MYO15A: variants seen among roughly 807,000 people sequenced by gnomAD.
MYO15A encodes the protein unconventional myosin-XV.
MYO15A carries 308 observed loss-of-function variants against 394.6 expected under a neutral mutation model. The ratio of observed to expected loss-of-function variants is 0.78; its 90% CI spans 0.71 to 0.86. MYO15A has a LOEUF of 0.86. Ranked by LOEUF, MYO15A falls within the 40% of genes least tolerant of loss-of-function variation. MYO15A has a pLI of 0.00. For missense variants in MYO15A, 4,606 were observed against 4,799.1 expected, an observed-to-expected ratio of 0.96 and a Z score of 1.19; for synonymous variants, 1,957 against 2,003.8, an observed-to-expected ratio of 0.98 and a Z score of 0.62.
Position 18,132,442 on chromosome 17 carries a change from C to G in MYO15A, c.4207-11C>G. On this transcript the variant is annotated splice_polypyrimidine_tract_variant and intron_variant, in intron 10 of 65. Transcript: ENST00000647165. The surrounding 1 kb of genome is among the most constrained non-coding windows in gnomAD (Gnocchi z 4.6). ...GGCTCCCTTCTCTGTGCCCACCTAC[C>G]CACTCTACAGGCCAAAAACGAGAGG... 1 of 1,612,806 alleles carries G rather than the reference C, an allele frequency of 6.2e-7. No individual in the cohort carries two copies. The highest frequency in any genetic ancestry group is 8.5e-7 in the Non-Finnish European group (1 of 1,179,192).
intron 54 of MYO15A, 114 bp downstream of exon 54, chr17:18,159,461 C>A: frequency 6.7e-7 from 1 of 1,484,744 alleles, no homozygotes; most frequent in Non-Finnish European, 9.4e-7. Flanking sequence ...CCCGCCAGCT[C>A]AGACATGGAA....
Position 18,136,463 on chromosome 17 carries a change from C to T in MYO15A, c.4643C>T (p.Ala1548Val), listed in dbSNP as rs1377865861. ...KIFTPLTVESAVDARDAIAKV... is the reference protein window; with the variant it reads ...KIFTPLTVESVVDARDAIAKV... ...TTCACGCCCCTAACTGTGGAGAGCG[C>T]TGTGGATGCCAGGTGAGGCCACGCC... The change falls in exon 14 of 66, where the codon GCT becomes GTT. Residue 1548 changes from alanine to valine, a missense_variant. By Grantham distance (64) the Ala-to-Val change is moderately conservative (BLOSUM62 0). Coordinates refer to ENST00000647165, the MANE Select transcript of MYO15A (RefSeq NM_016239.4). 8 of 1,613,718 alleles carry T rather than the reference C, an allele frequency of 5.0e-6. No homozygotes were observed. Among genetic ancestry groups the T allele is most frequent in the Non-Finnish European group, 5.9e-6 (7 of 1,180,036 alleles).
chr17:18,137,987 C>A, intron 16 of MYO15A, 128 bp from the exon 17 acceptor site: 3 of 1,301,396 alleles, frequency 2.3e-6, no homozygotes, highest in Non-Finnish European at 3.1e-6. Context: ...GGGGTGAGCT[C>A]CCTGTTCTGG....
rs1567615991 is a variant in MYO15A at position 18,117,125 on chromosome 17, C to T, written c.-219-1457C>T. Among the ~76,000 whole-genome samples, 1 of 152,190 alleles carries T rather than the reference C, an allele frequency of 6.6e-6. No homozygotes were observed. The highest frequency in any genetic ancestry group is 1.5e-5 in the Non-Finnish European group (1 of 68,026). ...TCTCTGGTTTCCATCAAGCCCCACTCCCCATCCCTGTGAGACTGCCTGCAC... is the reference window on the plus strand; with the variant it reads ...TCTCTGGTTTCCATCAAGCCCCACTTCCCATCCCTGTGAGACTGCCTGCAC... On this transcript the variant is annotated intron_variant, in intron 1 of 65. Coordinates refer to ENST00000647165, the MANE Select transcript of MYO15A (RefSeq NM_016239.4). The surrounding 1 kb of genome is among the most constrained non-coding windows in gnomAD (Gnocchi z 4.1).
chr17:18,143,539 C>G (rs1283635329), intron 25 of MYO15A, 27 bp from the exon 26 acceptor site: 1 of 1,551,084 alleles, frequency 6.4e-7, no homozygotes, highest in Non-Finnish European at 8.7e-7. Flanking sequence ...CCTGCCACTC[C>G]CCAACCTGAC....
chr17:18,125,326 T>G, intron 4 of MYO15A, 95 bp downstream of exon 4: 2 of 1,216,880 alleles, frequency 1.6e-6, no homozygotes, highest in Non-Finnish European at 2.4e-6. Context: ...TTGTGGGCCC[T>G]AGCCCCTGTG....
At position 18,149,525 on chromosome 17, in the gene MYO15A, G is replaced by C; in HGVS notation, c.7157G>C (p.Gly2386Ala). The change falls in exon 35 of 66, where the codon GGG becomes GCG. Residue 2386 changes from glycine to alanine, a missense_variant. Gly to Ala is a moderately conservative substitution (Grantham distance 60). Coordinates refer to ENST00000647165, the MANE Select transcript of MYO15A (RefSeq NM_016239.4). ...GGAGAGCCTGCTGTGCCCCACAAGG[G>C]GCTGGACTGCTACCTGGATAGCCTC... is the stretch of plus-strand genomic sequence containing the variant. Reference protein sequence around the residue: ...SLGEPAVPHKGLDCYLDSLFD... With the variant: ...SLGEPAVPHKALDCYLDSLFD... The C allele has an allele frequency of 1.2e-6, 2 of 1,614,164 alleles. No individual in the cohort carries two copies. The highest frequency in any genetic ancestry group is 1.7e-6 in the Non-Finnish European group (2 of 1,180,026).
chr17:18,139,352 G>A, intron 18 of MYO15A, 182 bp from the exon 19 acceptor site: 2 of 701,166 alleles, frequency 2.9e-6, no homozygotes, highest in Admixed American at 2.1e-5. Flanking sequence ...CTTCACTGAG[G>A]GTGAGGCCAA....
At chr17:18,160,290 G>T (rs756017014) in intron 56 of MYO15A, among the ~76,000 whole-genome samples, 6 of 152,206 alleles carry the variant, frequency 3.9e-5, no homozygotes, top group African/African-American at 7.2e-5. Context: ...AACTCAATCT[G>T]GTTTAGCCAA....
rs1308087837 is a variant in MYO15A, at chr17:18,151,198, T to C, written c.7562T>C (p.Leu2521Ser). 6.2e-7 allele frequency: 1 copy of C among 1,614,112 alleles called. No homozygotes were observed. Among genetic ancestry groups the C allele is most frequent in the African/African-American group, 1.3e-5 (1 of 75,034 alleles). Reference sequence around the variant, plus strand: ...CTCCTGCGTGCCACTCCAAAGCCCTTGGCCCCAGCCCCTCTGGCCAAGGCT... The same window carrying C: ...CTCCTGCGTGCCACTCCAAAGCCCTCGGCCCCAGCCCCTCTGGCCAAGGCT... ...PVLLRATPKP[L>S]APAPLAKAPR... Residue 2521 changes from leucine to serine, a missense_variant, in exon 39 of 66, where the codon TTG becomes TCG. Leu to Ser is a moderately radical substitution (Grantham distance 145, BLOSUM62 -2). Coordinates refer to ENST00000647165, the MANE Select transcript of MYO15A (RefSeq NM_016239.4).
chr17:18,119,917 G>C lies in MYO15A; in HGVS notation c.1117G>C (p.Gly373Arg), dbSNP rs746140187. The change falls in exon 2 of 66, where the codon GGA (glycine) becomes CGA (arginine). Residue 373 changes from glycine (G) to arginine (R), a missense_variant. This residue lies in a region of MYO15A where 1,830 missense variants were observed against 1,689.7 expected (regional missense o/e 1.08). Transcript: ENST00000647165. ...PYDVPYFDPY[G>R]VHYTVPYAEG... ...CGATGTACCCTACTTTGATCCCTAC[G>C]GAGTCCACTACACCGTCCCCTATGC... is the stretch of plus-strand genomic sequence containing the variant. 1.1e-5 allele frequency: 18 copies of C among 1,613,348 alleles called. No individual in the cohort carries two copies. Among genetic ancestry groups the C allele is most frequent in the Middle Eastern group, 1.6e-4 (1 of 6,084 alleles).
rs775177135 is a variant in MYO15A at position 18,138,163 on chromosome 17, G to A, written c.4924G>A (p.Asp1642Asn). The A allele has an allele frequency of 1.9e-6, 3 of 1,613,638 alleles. No homozygotes were observed. In the South Asian group the frequency reaches 3.3e-5, roughly 18 times the overall value. ...QIDWQEITFA[D>N]NQPCINLISL... ...AGACTGGCAGGAGATCACCTTTGCT[G>A]ACAACCAGCCCTGCATCAACCTCAT... is the stretch of plus-strand genomic sequence containing the variant. Residue 1642 changes from aspartate to asparagine, a missense_variant, in exon 17 of 66, where the codon GAC (aspartate) becomes AAC (asparagine). This residue lies in a region of MYO15A where 2,776 missense variants were observed against 3,109.3 expected (regional missense o/e 0.89). Transcript: ENST00000647165.
At chr17:18,133,147 G>A in intron 11 of MYO15A, 78 bp from the exon 12 acceptor site, 2 of 1,487,568 alleles carry the variant, frequency 1.3e-6, no homozygotes, top group Non-Finnish European at 9.2e-7. Context: ...CCACACTACT[G>A]GTCAGGGCAG....
intron 62 of MYO15A, 134 bp from the exon 63 acceptor site, chr17:18,171,504 C>G (rs966241133): frequency 1.5e-6 from 2 of 1,374,328 alleles, no homozygotes; most frequent in African/African-American, 2.9e-5. Flanking sequence ...ACTTTCAGCC[C>G]ATTTACACTC....
chr17:18,120,904 C>G lies in MYO15A; in HGVS notation c.2104C>G (p.Pro702Ala), dbSNP rs1265560854. ...CTACGGCTCCCTCCGCCGCCACCCG[C>G]CGCCCTGGGCCGCCCCAGCGCACGT... Reference protein sequence around the residue: ...SPYGSLRRHPPPWAAPAHVPP... With the variant: ...SPYGSLRRHPAPWAAPAHVPP... The change falls in exon 2 of 66, where the codon CCG (proline) becomes GCG (alanine). Residue 702 changes from proline to alanine, a missense_variant. Coordinates refer to ENST00000647165, the MANE Select transcript of MYO15A (RefSeq NM_016239.4). 6 of 1,409,852 alleles carry G rather than the reference C, an allele frequency of 4.3e-6. No homozygotes were observed. The African/African-American group carries it at 9.1e-5, about 21-fold the overall frequency. 87.3% of individuals were successfully genotyped at this position (1,409,852 alleles called of 1,614,324 possible). A position where few individuals can be genotyped will look rare whatever the true frequency, so the allele number is the denominator to read the frequency against.
rs79115589 is a variant in MYO15A, at chr17:18,174,671, C to T, written c.10491+750C>T. ...ACTCCTGTCCAAGTCTCACACCCCC[C>T]TGGGGTCAGGGCAGGACTAGCGTTT... On this transcript the variant is annotated intron_variant, in intron 65 of 65. Transcript: ENST00000647165. 5.1e-3 allele frequency among the ~76,000 whole-genome samples: 774 copies of T among 152,316 alleles called. 5 individuals carry two copies. Among genetic ancestry groups the T allele is most frequent in the African/African-American group, 0.018 (734 of 41,560 alleles).
chr17:18,173,532 G>C (rs2046971559), intron 64 of MYO15A: 2 of 556,680 alleles, frequency 3.6e-6, no homozygotes, highest in South Asian at 1.9e-5. Context: ...AGAGCACTTA[G>C]AACAGTGCCT....
At chr17:18,110,622 A>G (rs1024799470) in intron 1 of MYO15A, among the ~76,000 whole-genome samples, 3 of 152,238 alleles carry the variant, frequency 2.0e-5, no homozygotes, top group Non-Finnish European at 4.4e-5. Context: ...CTCTAAGATC[A>G]AGCCCTTCAT....
At position 18,150,915 on chromosome 17, in the gene MYO15A, T is replaced by G. The variant is rs1475492059; in HGVS notation, c.7473+2T>G. 7 of 1,603,184 alleles carry G rather than the reference T, an allele frequency of 4.4e-6. No individual in the cohort carries two copies. In the African/African-American group the frequency reaches 5.4e-5, roughly 12 times the overall value. ...GCCCTGAGATCCTTGCCCGCAGAGGTGAGCCTGGCCTGCCCAGGGTGCAGG... is the reference window on the plus strand; with the variant it reads ...GCCCTGAGATCCTTGCCCGCAGAGGGGAGCCTGGCCTGCCCAGGGTGCAGG... On this transcript the variant is annotated splice_donor_variant, in intron 38 of 65. Transcript: ENST00000647165. LOFTEE classifies it high-confidence loss of function. This position sits in a 1 kb window ranked among gnomAD's most constrained non-coding sequence, Gnocchi z 4.4.
Sources: gnomAD v4.1 joint callset for allele counts (sites outside exome capture counted in the v4.1 genomes callset) on GRCh38, gnomAD v4.1.1 for gene constraint, gnomAD v4.1.1 regional missense constraint, Gnocchi (gnomAD v3.1) non-coding constraint, MANE v1.5 for transcripts, NCBI Gene and HGNC (gene_info 2026-07-23, HGNC 2026-07-21) for gene names.